Variants in TP53BP1 observed in about 807,000 individuals in gnomAD.
TP53BP1 encodes tumor protein p53 binding protein 1, also known as TP53-binding protein 1.
Under a neutral mutation model 200.8 loss-of-function variants are expected in TP53BP1, and 61 were observed. The observed-to-expected ratio is 0.30, with a 90% confidence interval of 0.25 to 0.38. The LOEUF is 0.38. Ranked by LOEUF, TP53BP1 falls within the 10% of genes least tolerant of loss-of-function variation. TP53BP1 has a pLI of 1.00. For synonymous variants in TP53BP1, 822 were observed against 844.3 expected (o/e 0.97, Z 0.46); for missense variants, 2,144 against 2,371.9 (o/e 0.90, Z 2.00).
chr15:43,424,862 A>G (rs1473067827), intron 18 of TP53BP1, among the ~76,000 whole-genome samples: 4 of 152,228 alleles, frequency 2.6e-5, no homozygotes, highest in African/African-American at 9.6e-5. Flanking sequence ...CAGTACCAAG[A>G]AGTAAGACCT....
At chr15:43,418,953 C>T (rs543833886) in intron 21 of TP53BP1, among the ~76,000 whole-genome samples, 1 of 152,350 alleles carries the variant, frequency 6.6e-6, no homozygotes, top group East Asian at 1.9e-4. Flanking sequence ...CTTGCAGTGG[C>T]TCACGCCTGC....
chr15:43,461,329 C>T (rs924625166), intron 11 of TP53BP1, among the ~76,000 whole-genome samples: 1 of 151,954 alleles, frequency 6.6e-6, no homozygotes, highest in African/African-American at 2.4e-5. Context: ...AAGTGATTCT[C>T]TTACCTCAGC....
At chr15:43,458,473 CA>C (rs1377696347) in intron 11 of TP53BP1, among the ~76,000 whole-genome samples, 1 of 151,570 alleles carries the variant, frequency 6.6e-6, no homozygotes, top group Non-Finnish European at 1.5e-5. Context: ...AAATAGTTCA[CA>C]AAACAGTCAG....
intron 12 of TP53BP1, among the ~76,000 whole-genome samples, chr15:43,453,156 T>C (rs2046211627): frequency 8.2e-6 from 1 of 121,582 alleles, no homozygotes; most frequent in Non-Finnish European, 1.6e-5. Flanking sequence ...ATAGCGCCAC[T>C]GCAGTCCAGC....
intron 15 of TP53BP1, 52 bp downstream of exon 15, chr15:43,441,474 T>G: frequency 8.5e-7 from 1 of 1,176,076 alleles, no homozygotes; most frequent in Non-Finnish European, 1.3e-6. Flanking sequence ...CCATCTACCC[T>G]CATCACCAGT....
chr15:43,436,938 G>A (rs2045812609), intron 16 of TP53BP1, among the ~76,000 whole-genome samples: 1 of 151,720 alleles, frequency 6.6e-6, no homozygotes, highest in South Asian at 2.1e-4. Flanking sequence ...GAGGCAGGAG[G>A]ATCACTTGAG....
In TP53BP1 at chr15:43,413,353, C is replaced by T; in HGVS notation, c.5090-19G>A. 6.2e-7 allele frequency: 1 copy of T among 1,603,706 alleles called. No individual in the cohort carries two copies. Among genetic ancestry groups the T allele is most frequent in the South Asian group, 1.1e-5 (1 of 90,222 alleles). ...ACTGCACCTGGGAAGGACAGGGGCA[C>T]AGTTACTAGAGGGATACACACCATT... On this transcript the variant is annotated intron_variant, in intron 23 of 27. Coordinates refer to ENST00000382044, the MANE Select transcript of TP53BP1 (RefSeq NM_001141980.3).
chr15:43,428,241 T>C (rs2045595370), intron 17 of TP53BP1, 73 bp from the exon 18 acceptor site: 1 of 1,326,810 alleles, frequency 7.5e-7, no homozygotes, highest in Non-Finnish European at 1.1e-6. Flanking sequence ...TTATGCTTCA[T>C]GATGAGAACT....
chr15:43,446,112 A>G (rs1006278646), intron 14 of TP53BP1, among the ~76,000 whole-genome samples: 3 of 152,178 alleles, frequency 2.0e-5, no homozygotes, highest in African/African-American at 7.2e-5. Flanking sequence ...CCACAGTCCT[A>G]AAGTTTTCTA....
At chr15:43,477,541 T>C (rs1489348523) in intron 8 of TP53BP1, 52 bp downstream of exon 8, 22 of 1,501,530 alleles carry the variant, frequency 1.5e-5, no homozygotes, top group Middle Eastern at 3.6e-4. Flanking sequence ...AGAACTAAAG[T>C]AAAAGTTTAG....
chr15:43,405,170 A>T lies in TP53BP1; in HGVS notation c.*2213T>A. On this transcript the variant is annotated 3_prime_UTR_variant, in exon 28 of 28. Transcript: ENST00000382044. Reference sequence around the variant, plus strand: ...TTGAAGGTAGTCTTGGGAAAGCATGACACTTAATAAGGCTCTTTTTCTCTT... The same window carrying T: ...TTGAAGGTAGTCTTGGGAAAGCATGTCACTTAATAAGGCTCTTTTTCTCTT... The T allele has an allele frequency of 6.2e-7, 1 of 1,613,818 alleles. No homozygotes were observed. The highest frequency in any genetic ancestry group is 8.5e-7 in the Non-Finnish European group (1 of 1,179,782).
intron 11 of TP53BP1, among the ~76,000 whole-genome samples, chr15:43,459,294 G>A (rs1595582646): frequency 6.6e-6 from 1 of 152,030 alleles, no homozygotes; most frequent in Non-Finnish European, 1.5e-5. Flanking sequence ...GCAAAATCAC[G>A]CCACTGCACT....
In TP53BP1 at chr15:43,477,839, T is replaced by C. The variant is rs45615932; in HGVS notation, c.789-80A>G. On this transcript the variant is annotated intron_variant, in intron 7 of 27. Coordinates refer to ENST00000382044, the MANE Select transcript of TP53BP1 (RefSeq NM_001141980.3). ...TAAAAAGCTTTTCCTGTTTTGTGTG[T>C]TTTTCTTTAATAATTTCAAAAATTC... 179 of 1,188,934 alleles carry C rather than the reference T, an allele frequency of 1.5e-4. 2 individuals are homozygous for C. In the African/African-American group the frequency reaches 2.4e-3, roughly 16 times the overall value. 73.6% of individuals were successfully genotyped at this position (1,188,934 alleles called of 1,614,324 possible). A position where few individuals can be genotyped will look rare whatever the true frequency, so the allele number is the denominator to read the frequency against.
intron 10 of TP53BP1, among the ~76,000 whole-genome samples, chr15:43,471,432 C>CT (rs879750087): frequency 5.4e-4 from 78 of 144,884 alleles, no homozygotes; most frequent in Middle Eastern, 3.6e-3. Context: ...AGGGAGAAAG[C>CT]TTTTTTTTTT....
intron 11 of TP53BP1, among the ~76,000 whole-genome samples, chr15:43,464,383 G>A (rs532551952): frequency 6.6e-6 from 1 of 152,282 alleles, no homozygotes; most frequent in South Asian, 2.1e-4. Context: ...AAACCCAAGA[G>A]TAGAAATTAA....
In TP53BP1 at chr15:43,404,683, T is replaced by C; in HGVS notation, c.*2700A>G. ...TATAAGTAAGGCTTAGAGATAGAGG[T>C]GTGACCATCTTTAATAATTTTAATG... On this transcript the variant is annotated 3_prime_UTR_variant, in exon 28 of 28. Transcript: ENST00000382044. 1.1e-6 allele frequency: 1 copy of C among 942,602 alleles called. No homozygotes were observed. Among genetic ancestry groups the C allele is most frequent in the Non-Finnish European group, 1.6e-6 (1 of 640,070 alleles). The allele number at this position is 942,602 out of a possible 1,614,324, so 58.4% of individuals were successfully genotyped here.
At chr15:43,472,623 C>T (rs531939435) in intron 10 of TP53BP1, among the ~76,000 whole-genome samples, 1 of 152,306 alleles carries the variant, frequency 6.6e-6, no homozygotes, top group South Asian at 2.1e-4. Flanking sequence ...GCAAAAATAA[C>T]CTATAAGGAC....
At position 43,420,538 on chromosome 15, in the gene TP53BP1, T is replaced by C; in HGVS notation, c.4448A>G (p.Asp1483Gly). 6.2e-7 allele frequency: 1 copy of C among 1,614,146 alleles called. No homozygotes were observed. The highest frequency in any genetic ancestry group is 8.5e-7 in the Non-Finnish European group (1 of 1,180,036). Reference sequence around the variant, plus strand: ...AAAGCTATTTCCTGGAGAGGAGGCATCTAAGCCATCAGAAGGGCCAGCAGC... The same window carrying C: ...AAAGCTATTTCCTGGAGAGGAGGCACCTAAGCCATCAGAAGGGCCAGCAGC... ...QAAAGPSDGL[D>G]ASSPGNSFVG... The change falls in exon 21 of 28, where the codon GAT becomes GGT. Residue 1483 changes from aspartate (D) to glycine (G), a missense_variant. Coordinates refer to ENST00000382044, the MANE Select transcript of TP53BP1 (RefSeq NM_001141980.3).
chr15:43,430,473 A>G (rs912564020), intron 17 of TP53BP1, among the ~76,000 whole-genome samples: 3 of 152,228 alleles, frequency 2.0e-5, no homozygotes, highest in Admixed American at 6.5e-5. Context: ...CTCATATCCC[A>G]TATGTGCCAC....
Sources: gnomAD v4.1 joint callset for allele counts (sites outside exome capture counted in the v4.1 genomes callset) on GRCh38, gnomAD v4.1.1 for gene constraint, MANE v1.5 for transcripts, NCBI Gene and HGNC (gene_info 2026-07-23, HGNC 2026-07-21) for gene names.